Variants in ZNF721 observed in about 807,000 individuals in gnomAD.
ZNF721 encodes the protein zinc finger protein 721.
A neutral mutation model predicts 2.4 loss-of-function variants in ZNF721; 2 were observed. That is an observed-to-expected ratio of 0.82 (90% confidence interval 0.34 to 2.58). ZNF721 has a LOEUF of 2.58. Among genes scored for constraint, ZNF721 ranks in the 30% most tolerant of loss-of-function variants. ZNF721 has a pLI of 0.11. For synonymous variants in ZNF721, 398 were observed against 381.8 expected (o/e 1.04, Z -0.50); for missense variants, 1,187 against 1,085.5 (o/e 1.09, Z -1.31).
chr4:450,956 A>AAAAAT (rs1714637638), intron 2 of ZNF721, among the ~76,000 whole-genome samples: 4 of 63,770 alleles, frequency 6.3e-5, no homozygotes, highest in African/African-American at 1.5e-4. Context: ...AAAAAAAAAA[A>AAAAAT]ATATATATAT....
chr4:449,794 C>T (rs61793706), intron 2 of ZNF721, among the ~76,000 whole-genome samples: 49,257 of 151,944 alleles, frequency 0.32, 8,025 homozygotes, highest in Middle Eastern at 0.34. Flanking sequence ...CCAAAAAGTA[C>T]ATGCAAAGAT....
intron 2 of ZNF721, among the ~76,000 whole-genome samples, chr4:453,247 A>T (rs1714729180): frequency 6.6e-6 from 1 of 152,252 alleles, no homozygotes; most frequent in Non-Finnish European, 1.5e-5. Flanking sequence ...GGAGGAGGCC[A>T]GAGGGATTTG....
chr4:495,738 G>C (rs1470435742), intron 1 of ZNF721, among the ~76,000 whole-genome samples: 4 of 151,974 alleles, frequency 2.6e-5, no homozygotes, highest in Non-Finnish European at 4.4e-5. Context: ...AAGTAACTGG[G>C]ATTACAGGTG....
chr4:446,740 C>A (rs749345686), intron 2 of ZNF721, among the ~76,000 whole-genome samples: 13 of 151,724 alleles, frequency 8.6e-5, no homozygotes, highest in Non-Finnish European at 1.0e-4. Flanking sequence ...TGTTGCCAGG[C>A]TGGAGTGCAG....
At chr4:455,474 G>A (rs943002251) in intron 2 of ZNF721, among the ~76,000 whole-genome samples, 46 of 152,170 alleles carry the variant, frequency 3.0e-4, no homozygotes, top group African/African-American at 9.9e-4. Flanking sequence ...GGCTGAGGCA[G>A]GAGAATCGTT....
At chr4:452,238 G>C (rs1714691851) in intron 2 of ZNF721, among the ~76,000 whole-genome samples, 1 of 152,166 alleles carries the variant, frequency 6.6e-6, no homozygotes, top group Non-Finnish European at 1.5e-5. Context: ...GCTTGCAGCA[G>C]GTAAAAACCC....
intron 2 of ZNF721, among the ~76,000 whole-genome samples, chr4:470,485 G>A (rs926213799): frequency 5.9e-5 from 9 of 152,084 alleles, no homozygotes; most frequent in African/African-American, 1.9e-4. Flanking sequence ...AGAACAAGGC[G>A]GGAGGATCAC....
intron 1 of ZNF721, among the ~76,000 whole-genome samples, chr4:487,122 C>G (rs1208078552): frequency 1.3e-5 from 2 of 152,184 alleles, no homozygotes; most frequent in South Asian, 2.1e-4. Context: ...ATTGCAAAAA[C>G]AGCAATTTGA....
intron 1 of ZNF721, among the ~76,000 whole-genome samples, chr4:476,012 TA>T (rs1715615921): frequency 6.6e-6 from 1 of 152,244 alleles, no homozygotes; most frequent in African/African-American, 2.4e-5. Context: ...AACTTTTTTT[TA>T]CTTTCATGAA....
intron 2 of ZNF721, among the ~76,000 whole-genome samples, chr4:470,164 G>A (rs1228270642): frequency 2.6e-5 from 4 of 152,166 alleles, no homozygotes; most frequent in African/African-American, 7.2e-5. Flanking sequence ...TTACAGGCGT[G>A]AGCCACTGTG....
intron 2 of ZNF721, among the ~76,000 whole-genome samples, chr4:455,536 T>TA (rs1553865314): frequency 6.6e-6 from 1 of 151,906 alleles, no homozygotes; most frequent in African/African-American, 2.4e-5. Context: ...CACTGCGCTC[T>TA]AGCCTGGCAA....
intron 2 of ZNF721, among the ~76,000 whole-genome samples, chr4:454,559 C>A (rs146469446): frequency 4.6e-5 from 7 of 152,166 alleles, no homozygotes; most frequent in Non-Finnish European, 1.0e-4. Context: ...CCTTGCAAAG[C>A]CATGGTGGGT....
intron 2 of ZNF721, among the ~76,000 whole-genome samples, chr4:454,747 A>ACT (rs1714793199): frequency 6.6e-6 from 1 of 152,354 alleles, no homozygotes; most frequent in South Asian, 2.1e-4. Flanking sequence ...ACATGGACAC[A>ACT]AACAACGGTC....
chr4:494,416 G>C (rs1193896161), intron 1 of ZNF721, among the ~76,000 whole-genome samples: 1 of 151,716 alleles, frequency 6.6e-6, no homozygotes, highest in African/African-American at 2.4e-5. Flanking sequence ...TCGATCTCCC[G>C]ACCTCGTGAT....
intron 2 of ZNF721, among the ~76,000 whole-genome samples, chr4:454,431 T>C (rs1233797644): frequency 3.9e-5 from 6 of 152,252 alleles, no homozygotes; most frequent in African/African-American, 1.4e-4. Flanking sequence ...AGCTGTGTAC[T>C]GTTGTGTTGC....
chr4:466,133 A>G (rs1363066896), intron 2 of ZNF721, among the ~76,000 whole-genome samples: 4 of 152,032 alleles, frequency 2.6e-5, no homozygotes, highest in African/African-American at 9.7e-5. Context: ...TATTAAAAGA[A>G]AACTGCAGAA....
intron 2 of ZNF721, among the ~76,000 whole-genome samples, chr4:468,075 C>G (rs1018726209): frequency 1.3e-5 from 2 of 151,988 alleles, no homozygotes; most frequent in Non-Finnish European, 2.9e-5. Flanking sequence ...GTCAGGAGAT[C>G]GAGACCGCGG....
At chr4:468,309 ACT>A in intron 2 of ZNF721, among the ~76,000 whole-genome samples, 1 of 151,688 alleles carries the variant, frequency 6.6e-6, no homozygotes, top group East Asian at 1.9e-4. Flanking sequence ...AAGCGCCTGT[ACT>A]CCCAGCTAGT....
In ZNF721 at chr4:444,352, A is replaced by G. The variant is rs1560225579; in HGVS notation, c.115T>C (p.Tyr39His). The G allele has an allele frequency of 2.5e-6, 4 of 1,614,034 alleles. No individual in the cohort carries two copies. Among genetic ancestry groups the G allele is most frequent in the Non-Finnish European group, 3.4e-6 (4 of 1,179,966 alleles). Residue 39 changes from tyrosine (Y) to histidine (H), a missense_variant, in exon 3 of 3, where the codon TAT becomes CAT. By Grantham distance (83) the Tyr-to-His change is moderately conservative. Transcript: ENST00000511833. ...DSFHKLILRR[Y>H]EKCGHDNLQL... ...AAATTATCATGCCCACATTTCTCAT[A>G]TCTTCTCAGTATAAGTTTGTGGAAT...
Sources: gnomAD v4.1 joint callset for allele counts (sites outside exome capture counted in the v4.1 genomes callset) on GRCh38, gnomAD v4.1.1 for gene constraint, MANE v1.5 for transcripts, NCBI Gene and HGNC (gene_info 2026-07-23, HGNC 2026-07-21) for gene names.